Variants in RBFOX1 observed in about 807,000 individuals in gnomAD.
RBFOX1 encodes RNA binding protein fox-1 homolog 1.
A neutral mutation model predicts 57.7 loss-of-function variants in RBFOX1; 8 were observed. The ratio of observed to expected loss-of-function variants is 0.14; its 90% CI spans 0.08 to 0.25. The LOEUF (loss-of-function observed/expected upper bound fraction) is 0.25, where lower values mean the gene tolerates loss of function less well. Among genes scored for constraint, RBFOX1 ranks in the 10% least tolerant of loss-of-function variants. The pLI is 1.00. For missense variants in RBFOX1, 611 were observed against 548.5 expected (o/e 1.11, Z -1.14); for synonymous variants, 326 against 222.4 (o/e 1.47, Z -4.15).
intron 1 of RBFOX1, among the ~76,000 whole-genome samples, chr16:5,342,137 C>T (rs986815313): frequency 6.6e-6 from 1 of 152,100 alleles, no homozygotes; most frequent in Admixed American, 6.5e-5. Context: ...CATAATTTTC[C>T]ACCTTCTAAT....
At chr16:5,496,445 G>A (rs1408881028) in intron 2 of RBFOX1, among the ~76,000 whole-genome samples, 1 of 151,912 alleles carries the variant, frequency 6.6e-6, no homozygotes, top group African/African-American at 2.4e-5. Flanking sequence ...TCTCGAATGT[G>A]TCCATCTCAG....
At chr16:6,982,993 T>TCAAA (rs1318602686) in intron 3 of RBFOX1, among the ~76,000 whole-genome samples, 1 of 79,336 alleles carries the variant, frequency 1.3e-5, no homozygotes, top group Non-Finnish European at 2.4e-5. Context: ...AGACTCTGTC[T>TCAAA]AAAAAAAAAA....
intron 4 of RBFOX1, among the ~76,000 whole-genome samples, chr16:7,388,155 C>G (rs1481327318): frequency 6.6e-6 from 1 of 151,794 alleles, no homozygotes; most frequent in Admixed American, 6.6e-5. Context: ...TAGCAGGAAA[C>G]TGATCTCAGA....
chr16:5,299,819 G>A (rs1167194223), intron 1 of RBFOX1, among the ~76,000 whole-genome samples: 2 of 152,024 alleles, frequency 1.3e-5, no homozygotes, highest in Admixed American at 1.3e-4. Flanking sequence ...AGGAATTCTA[G>A]TAAAATTGTG....
At chr16:6,972,110 A>C (rs2085690882) in intron 3 of RBFOX1, among the ~76,000 whole-genome samples, 1 of 152,236 alleles carries the variant, frequency 6.6e-6, no homozygotes, top group Admixed American at 6.5e-5. Context: ...TAAAAAGCAC[A>C]CAACATCTAA....
At chr16:6,200,922 G>A (rs2097210667) in intron 1 of RBFOX1, among the ~76,000 whole-genome samples, 1 of 142,464 alleles carries the variant, frequency 7.0e-6, no homozygotes, top group African/African-American at 2.6e-5. Flanking sequence ...GCTGGATAGA[G>A]TTTTCGGTGT....
chr16:6,321,864 G>C (rs565153230), intron 2 of RBFOX1, among the ~76,000 whole-genome samples: 1 of 152,138 alleles, frequency 6.6e-6, no homozygotes, highest in Non-Finnish European at 1.5e-5. Flanking sequence ...ACGTTGGTAG[G>C]TTTAGAATAA....
intron 3 of RBFOX1, among the ~76,000 whole-genome samples, chr16:5,681,929 T>C (rs779690765): frequency 2.0e-5 from 3 of 152,078 alleles, no homozygotes; most frequent in Non-Finnish European, 2.9e-5. Flanking sequence ...TTGAAGACCA[T>C]TGTAAGCAGT....
At chr16:6,838,919 C>G (rs1339374166) in intron 3 of RBFOX1, among the ~76,000 whole-genome samples, 2 of 151,914 alleles carry the variant, frequency 1.3e-5, no homozygotes, top group African/African-American at 4.8e-5. Context: ...CCATTCAAGA[C>G]TGTGCACTGG....
At chr16:6,171,396 G>C (rs2096959501) in intron 1 of RBFOX1, among the ~76,000 whole-genome samples, 1 of 152,170 alleles carries the variant, frequency 6.6e-6, no homozygotes, top group African/African-American at 2.4e-5. Flanking sequence ...AGGAGTTCAA[G>C]ACTCGATTTA....
chr16:7,200,792 A>G (rs1053146516), intron 4 of RBFOX1, among the ~76,000 whole-genome samples: 5 of 152,162 alleles, frequency 3.3e-5, no homozygotes, highest in African/African-American at 1.2e-4. Context: ...TCTAATAGGG[A>G]CTAACTCATC....
intron 1 of RBFOX1, among the ~76,000 whole-genome samples, chr16:6,277,683 A>C (rs1437765974): frequency 6.6e-6 from 1 of 151,660 alleles, no homozygotes; most frequent in East Asian, 1.9e-4. Flanking sequence ...AAAAAAAAAA[A>C]AAATGTCCAT....
chr16:7,467,822 A>G (rs898974351), intron 4 of RBFOX1, among the ~76,000 whole-genome samples: 7 of 152,186 alleles, frequency 4.6e-5, no homozygotes, highest in Non-Finnish European at 8.8e-5. Context: ...GTCTTTACAG[A>G]GTCCTTCTTT....
At chr16:6,232,683 T>G (rs1256282284) in intron 1 of RBFOX1, among the ~76,000 whole-genome samples, 2 of 152,184 alleles carry the variant, frequency 1.3e-5, no homozygotes, top group African/African-American at 4.8e-5. Context: ...CAAACCTATT[T>G]AAGGTCCGTG....
intron 1 of RBFOX1, among the ~76,000 whole-genome samples, chr16:5,287,703 G>T (rs1206357827): frequency 1.8e-4 from 28 of 152,186 alleles, no homozygotes; most frequent in Non-Finnish European, 3.1e-4. Flanking sequence ...CTCTCATGGT[G>T]ATAGCAGGAG....
At chr16:5,742,624 A>C (rs1285464966) in intron 3 of RBFOX1, among the ~76,000 whole-genome samples, 1 of 152,192 alleles carries the variant, frequency 6.6e-6, no homozygotes, top group Non-Finnish European at 1.5e-5. Context: ...CTACTCATAT[A>C]GAAAGCTTTA....
intron 3 of RBFOX1, among the ~76,000 whole-genome samples, chr16:6,850,040 A>G (rs183596642): frequency 1.3e-5 from 2 of 152,298 alleles, no homozygotes; most frequent in Non-Finnish European, 1.5e-5. Context: ...GAAATACACC[A>G]TGTACTCCTT....
intron 3 of RBFOX1, among the ~76,000 whole-genome samples, chr16:6,941,437 A>C (rs1378329182): frequency 6.6e-6 from 1 of 151,808 alleles, no homozygotes; most frequent in East Asian, 1.9e-4. Flanking sequence ...CCCTAATTTA[A>C]AATAAACACC....
intron 4 of RBFOX1, among the ~76,000 whole-genome samples, chr16:7,290,110 T>A (rs2095738420): frequency 6.6e-6 from 1 of 152,152 alleles, no homozygotes; most frequent in Admixed American, 6.5e-5. Flanking sequence ...AGAAACCATT[T>A]TAGAAATAAA....
Sources: allele counts gnomAD v4.1 joint callset (sites outside exome capture counted in the v4.1 genomes callset), GRCh38; gene constraint gnomAD v4.1.1; transcripts MANE v1.5; gene names NCBI Gene and HGNC (gene_info 2026-07-23, HGNC 2026-07-21).